Variants in MARCHF10 observed in about 807,000 individuals in gnomAD.
MARCHF10 encodes the protein probable E3 ubiquitin-protein ligase MARCHF10.
MARCHF10 carries 64 observed loss-of-function variants against 76.2 expected under a neutral mutation model. The ratio of observed to expected loss-of-function variants is 0.84; its 90% confidence interval spans 0.69 to 1.03. The LOEUF (loss-of-function observed/expected upper bound fraction) is 1.03. MARCHF10 is among the 50% of genes least tolerant of loss of function. The probability of loss-of-function intolerance (pLI) is 0.00; values close to 1 mark genes in which losing one functional copy is unlikely to be tolerated. For missense variants in MARCHF10, 875 were observed against 958.0 expected (o/e 0.91, Z 1.14); for synonymous variants, 340 against 357.5 (o/e 0.95, Z 0.55).
At chr17:62,703,278 C>T (rs186339974) in intron 10 of MARCHF10, 2 of 152,458 alleles carry the variant, frequency 1.3e-5, no homozygotes, top group Admixed American at 1.3e-4. Context: ...GTACCTCAAC[C>T]GAGCTAGGGC....
chr17:62,801,523 C>A (rs547153387), intron 2 of MARCHF10, 123 bp downstream of exon 2: 3 of 567,776 alleles, frequency 5.3e-6, no homozygotes, highest in East Asian at 4.0e-5. Flanking sequence ...TAGTTACATA[C>A]CTAATCGGTG....
intron 1 of MARCHF10, among the ~76,000 whole-genome samples, chr17:62,802,604 G>A (rs1598090821): frequency 6.6e-6 from 1 of 152,148 alleles, no homozygotes; most frequent in East Asian, 1.9e-4. Context: ...AGAACTATGC[G>A]GCTCTTTGAG....
chr17:62,701,820 G>C (rs77551436), intron 10 of MARCHF10, 62 bp from the exon 11 acceptor site: 1 of 1,605,420 alleles, frequency 6.2e-7, no homozygotes, highest in Non-Finnish European at 8.5e-7. Context: ...CTGTTACAGG[G>C]GGCACGGCAC....
At chr17:62,786,599 T>C (rs967666077) in intron 3 of MARCHF10, among the ~76,000 whole-genome samples, 6 of 152,162 alleles carry the variant, frequency 3.9e-5, no homozygotes, top group African/African-American at 1.2e-4. Flanking sequence ...ATATAAACTG[T>C]ATTATAGAAG....
At chr17:62,709,530 C>A (rs749429884) in intron 9 of MARCHF10, among the ~76,000 whole-genome samples, 2 of 151,362 alleles carry the variant, frequency 1.3e-5, no homozygotes, top group African/African-American at 2.5e-5. Flanking sequence ...ATCACTGGGT[C>A]TCTTCATGAG....
At chr17:62,709,805 G>A (rs576758028) in intron 9 of MARCHF10, among the ~76,000 whole-genome samples, 12 of 151,054 alleles carry the variant, frequency 7.9e-5, no homozygotes, top group Non-Finnish European at 1.2e-4. Context: ...GCTGGAGTGC[G>A]GTGGCACCAA....
intron 2 of MARCHF10, among the ~76,000 whole-genome samples, chr17:62,796,237 C>A (rs1035542936): frequency 2.0e-5 from 3 of 152,136 alleles, no homozygotes; most frequent in Non-Finnish European, 2.9e-5. Flanking sequence ...AATGATCCAC[C>A]CGCCTCTGCC....
rs60456766 is a variant in MARCHF10 at position 62,723,559 on chromosome 17, C to CTTTTTT, written c.2105-968_2105-963dup. The stretch of plus-strand genomic sequence containing the variant: ...CCTTATCTGCATTTTGTTCGCTTGA[C>CTTTTTT]TTTTTTTTTTTTTTTTTTTAGCGTC... On this transcript the variant is annotated intron_variant, in intron 7 of 10. Transcript: ENST00000311269. 5.1e-3 allele frequency among the ~76,000 whole-genome samples: 406 copies of CTTTTTT among 80,350 alleles called. 42 individuals are homozygous for CTTTTTT. Among genetic ancestry groups the CTTTTTT allele is most frequent in the South Asian group, 0.017 (40 of 2,310 alleles). The allele number at this position is 80,350 out of a possible 152,430, so 52.7% of individuals were successfully genotyped here.
rs2089914298 is a variant in MARCHF10 at position 62,711,204 on chromosome 17, A to G, written c.2328+27T>C. ...GCAGGGTTTTCAGGGCTGCCACCGG[A>G]CAGCTCTGGGTCACAGCCAGACTTA... is the stretch of plus-strand genomic sequence containing the variant. On this transcript the variant is annotated intron_variant, in intron 9 of 10. Transcript: ENST00000311269. This position sits in a 1 kb window ranked among gnomAD's most constrained non-coding sequence, Gnocchi z 4.4. The G allele has an allele frequency of 6.3e-7, 1 of 1,596,376 alleles. No homozygotes were observed. The highest frequency in any genetic ancestry group is 1.7e-5 in the Admixed American group (1 of 59,946).
chr17:62,779,867 C>T (rs368845429), intron 3 of MARCHF10, among the ~76,000 whole-genome samples: 3 of 152,166 alleles, frequency 2.0e-5, no homozygotes, highest in Non-Finnish European at 2.9e-5. Flanking sequence ...GAGGCCGAGG[C>T]GGGTGGATCA....
chr17:62,720,416 C>T (rs1394558664), intron 8 of MARCHF10, among the ~76,000 whole-genome samples: 102 of 152,318 alleles, frequency 6.7e-4, no homozygotes, highest in Non-Finnish European at 1.3e-4. Flanking sequence ...CTCAGTTTCT[C>T]TATCCTCCCC....
intron 3 of MARCHF10, among the ~76,000 whole-genome samples, chr17:62,760,941 T>C (rs1029600329): frequency 3.9e-5 from 6 of 152,218 alleles, no homozygotes; most frequent in Non-Finnish European, 5.9e-5. Context: ...TTTGCAGGCA[T>C]AGAATGCTAA....
At chr17:62,739,606 C>T (rs2091428662) in intron 5 of MARCHF10, among the ~76,000 whole-genome samples, 1 of 152,078 alleles carries the variant, frequency 6.6e-6, no homozygotes, top group African/African-American at 2.4e-5. Flanking sequence ...GTCTCCAACT[C>T]CCGACCTCAA....
Position 62,776,709 on chromosome 17 carries a change from G to A in MARCHF10, c.210+11771C>T, listed in dbSNP as rs16946471. Among the ~76,000 whole-genome samples the A allele has an allele frequency of 2.4e-3, 362 of 152,202 alleles. 4 individuals are homozygous for A. Among genetic ancestry groups the A allele is most frequent in the African/African-American group, 8.4e-3 (347 of 41,520 alleles). On this transcript the variant is annotated intron_variant, in intron 3 of 10. Transcript: ENST00000311269. ...AGTTCAGTCTGGTGAGTTATCTGGC[G>A]GAATCTTCAACCACAACAAGATGAC...
At chr17:62,718,358 C>T (rs1269117020) in intron 8 of MARCHF10, among the ~76,000 whole-genome samples, 1 of 152,182 alleles carries the variant, frequency 6.6e-6, no homozygotes, top group East Asian at 1.9e-4. Context: ...GAAAAATGTG[C>T]TGCTGTTGGG....
intron 6 of MARCHF10, among the ~76,000 whole-genome samples, chr17:62,728,441 G>A (rs2090865616): frequency 6.6e-6 from 1 of 152,184 alleles, no homozygotes; most frequent in African/African-American, 2.4e-5. Flanking sequence ...CAGCGTGCTG[G>A]CCACCTCTCT....
rs2091371359 is a variant in MARCHF10 at position 62,738,238 on chromosome 17, A to G, written c.536-906T>C. Among the ~76,000 whole-genome samples, 1 of 152,004 alleles carries G rather than the reference A, an allele frequency of 6.6e-6. No individual in the cohort carries two copies. The highest frequency in any genetic ancestry group is 2.4e-5 in the African/African-American group (1 of 41,386). On this transcript the variant is annotated intron_variant, in intron 5 of 10. Coordinates refer to ENST00000311269, the MANE Select transcript of MARCHF10 (RefSeq NM_152598.4). The surrounding 1 kb of genome is among the most constrained non-coding windows in gnomAD (Gnocchi z 4.0). Reference sequence around the variant, plus strand: ...AGTGATGGAATGAACATTTGAACCCACGCCTGCTCGATACTAGGGTTTGTG... The same window carrying G: ...AGTGATGGAATGAACATTTGAACCCGCGCCTGCTCGATACTAGGGTTTGTG...
intron 3 of MARCHF10, among the ~76,000 whole-genome samples, chr17:62,760,511 T>A (rs2092170722): frequency 1.3e-5 from 2 of 152,234 alleles, no homozygotes; most frequent in African/African-American, 4.8e-5. Flanking sequence ...GACAGACTAA[T>A]CTTTTAAAAA....
Position 62,706,508 on chromosome 17 carries a change from G to A in MARCHF10, c.2329-927C>T, listed in dbSNP as rs1186163758. ...TTTTGTGACTGTGGACCAAACCTGG[G>A]CTTCCCATATTTTGGGTTGATCTGG... On this transcript the variant is annotated intron_variant, in intron 9 of 10. Coordinates refer to ENST00000311269, the MANE Select transcript of MARCHF10 (RefSeq NM_152598.4). 2.0e-5 allele frequency: 3 copies of A among 152,246 alleles called. No individual in the cohort carries two copies. In the East Asian group the frequency reaches 5.8e-4, roughly 29 times the overall value. The allele number at this position is 152,246 out of a possible 1,614,324, so 9.4% of individuals were successfully genotyped here. A position where few individuals can be genotyped will look rare whatever the true frequency, so the allele number is the denominator to read the frequency against.
Sources: gnomAD v4.1 joint callset for allele counts (sites outside exome capture counted in the v4.1 genomes callset) on GRCh38, gnomAD v4.1.1 for gene constraint, Gnocchi (gnomAD v3.1) non-coding constraint, MANE v1.5 for transcripts, NCBI Gene and HGNC (gene_info 2026-07-23, HGNC 2026-07-21) for gene names.